Variants in SAMMSON observed in about 807,000 individuals in gnomAD.
SAMMSON encodes the protein survival associated mitochondrial melanoma specific oncogenic non-coding RNA.
At chr3:70,306,273 C>A (rs182722997) in intron 7 of SAMMSON, among the ~76,000 whole-genome samples, 19 of 151,962 alleles carry the variant, frequency 1.3e-4, no homozygotes, top group Non-Finnish European at 4.4e-5. Flanking sequence ...GTGGCTAGCC[C>A]GGCTAATTTC....
At chr3:70,139,642 T>A (rs2067519512) in intron 4 of SAMMSON, among the ~76,000 whole-genome samples, 2 of 151,824 alleles carry the variant, frequency 1.3e-5, no homozygotes. Flanking sequence ...GGTTATGGAG[T>A]TTGGGGTAAG....
chr3:70,045,128 AATATATTATAATTTAT>A (rs1395136382), intron 3 of SAMMSON, among the ~76,000 whole-genome samples: 3 of 83,654 alleles, frequency 3.6e-5, no homozygotes, highest in African/African-American at 1.0e-4. Context: ...TATTAATTAT[AATATATTATAATTTAT>A]ATATATTAAT....
chr3:70,230,045 G>A (rs2106743655), intron 4 of SAMMSON, among the ~76,000 whole-genome samples: 1 of 152,204 alleles, frequency 6.6e-6, no homozygotes, highest in South Asian at 2.1e-4. Context: ...TGTCTTAGAT[G>A]CTGTTGCTGC....
At chr3:70,264,176 AATAT>A (rs1265165326) in intron 6 of SAMMSON, among the ~76,000 whole-genome samples, 4 of 152,254 alleles carry the variant, frequency 2.6e-5, no homozygotes, top group African/African-American at 9.6e-5. Context: ...TTCATTTTAA[AATAT>A]ATACAGATGG....
At chr3:70,262,111 A>G (rs1357930361) in intron 6 of SAMMSON, among the ~76,000 whole-genome samples, 1 of 152,170 alleles carries the variant, frequency 6.6e-6, no homozygotes, top group Non-Finnish European at 1.5e-5. Flanking sequence ...GTGCGACAGT[A>G]TTGCCTTCTA....
chr3:70,087,752 T>C (rs2067290941), intron 4 of SAMMSON, among the ~76,000 whole-genome samples: 1 of 152,194 alleles, frequency 6.6e-6, no homozygotes, highest in Non-Finnish European at 1.5e-5. Flanking sequence ...AAGAGAATCA[T>C]GGGCACTTCA....
intron 7 of SAMMSON, among the ~76,000 whole-genome samples, chr3:70,339,721 T>C (rs1397300221): frequency 1.3e-5 from 2 of 152,078 alleles, no homozygotes; most frequent in Non-Finnish European, 2.9e-5. Context: ...CTCACACCAG[T>C]TAGAATGGCG....
At chr3:70,238,822 T>C (rs1701637718) in intron 4 of SAMMSON, among the ~76,000 whole-genome samples, 1 of 152,140 alleles carries the variant, frequency 6.6e-6, no homozygotes, top group African/African-American at 2.4e-5. Flanking sequence ...TAGGTTTCTA[T>C]GACCTGTAAT....
intron 3 of SAMMSON, among the ~76,000 whole-genome samples, chr3:70,053,129 G>A (rs140847040): frequency 2.5e-4 from 38 of 152,172 alleles, no homozygotes; most frequent in Non-Finnish European, 4.9e-4. Context: ...TCATCCTTTT[G>A]GAGCATTCAT....
rs1559776270 is a variant in SAMMSON, at chr3:70,028,180, TTCCTTC to T, written n.417+14509_417+14514del. Reference sequence around the variant, plus strand: ...CTTCCTTCCTTCCTTCCTTCCTTCCTTCCTTCCTTTCTTTCTTTCTTTCTCTCTTTC... The same window carrying T: ...CTTCCTTCCTTCCTTCCTTCCTTCCTCTTTCTTTCTTTCTTTCTCTCTTTC... On this transcript the variant is annotated intron_variant and non_coding_transcript_variant, in intron 3 of 9. Coordinates refer to ENST00000642114, the Ensembl canonical transcript of SAMMSON. Among the ~76,000 whole-genome samples, 1,290 of 138,772 alleles carry T rather than the reference TTCCTTC, an allele frequency of 9.3e-3. 4 individuals are homozygous for T. Among genetic ancestry groups the T allele is most frequent in the South Asian group, 0.018 (73 of 3,990 alleles). The allele number at this position is 138,772 out of a possible 152,430, so 91.0% of individuals were successfully genotyped here. A position where few individuals can be genotyped will look rare whatever the true frequency, so the allele number is the denominator to read the frequency against.
At chr3:70,372,533 C>T (rs1395920146) in intron 9 of SAMMSON, among the ~76,000 whole-genome samples, 2 of 152,084 alleles carry the variant, frequency 1.3e-5, no homozygotes, top group Non-Finnish European at 2.9e-5. Context: ...CTCCTGACCG[C>T]AGATGATCCA....
chr3:70,104,859 C>A (rs2106656709), intron 4 of SAMMSON, among the ~76,000 whole-genome samples: 1 of 152,228 alleles, frequency 6.6e-6, no homozygotes, highest in Non-Finnish European at 1.5e-5. Context: ...AGTAATCTGG[C>A]AAATTTTAGG....
intron 6 of SAMMSON, among the ~76,000 whole-genome samples, chr3:70,277,367 C>T (rs1016112563): frequency 6.6e-6 from 1 of 151,992 alleles, no homozygotes; most frequent in Non-Finnish European, 1.5e-5. Context: ...ACTTTTTTCC[C>T]CCAGCACTGG....
intron 4 of SAMMSON, among the ~76,000 whole-genome samples, chr3:70,095,590 AC>A (rs1576120454): frequency 6.6e-6 from 1 of 152,314 alleles, no homozygotes; most frequent in East Asian, 1.9e-4. Context: ...TAGGCTCAAC[AC>A]CCAGCTCTGC....
chr3:70,423,591 G>C (rs1484225089), intron 2 of SAMMSON, among the ~76,000 whole-genome samples: 1 of 145,636 alleles, frequency 6.9e-6, no homozygotes, highest in East Asian at 2.1e-4. Context: ...AAAACAGTCA[G>C]GCAATCAGTG....
At chr3:70,365,657 A>G (rs1379648902) in intron 9 of SAMMSON, among the ~76,000 whole-genome samples, 1 of 151,798 alleles carries the variant, frequency 6.6e-6, no homozygotes, top group Non-Finnish European at 1.5e-5. Flanking sequence ...TTTATCAACT[A>G]GAGTTCTGCA....
At chr3:70,217,610 G>A (rs1456756982) in intron 4 of SAMMSON, among the ~76,000 whole-genome samples, 3 of 152,072 alleles carry the variant, frequency 2.0e-5, no homozygotes, top group Non-Finnish European at 4.4e-5. Context: ...GTTTTTCACT[G>A]TAAGAGGTAG....
intron 3 of SAMMSON, among the ~76,000 whole-genome samples, chr3:70,025,514 A>T (rs1312698731): frequency 1.3e-5 from 2 of 152,202 alleles, no homozygotes; most frequent in Admixed American, 6.5e-5. Flanking sequence ...AAGTGCTGGG[A>T]TTACAGGCAT....
chr3:70,352,297 A>G (rs1013547862), intron 7 of SAMMSON, among the ~76,000 whole-genome samples: 1 of 152,104 alleles, frequency 6.6e-6, no homozygotes, highest in Non-Finnish European at 1.5e-5. Context: ...GTGGCAGGTA[A>G]TAATTAAAAG....
Sources: gnomAD v4.1 joint callset for allele counts (sites outside exome capture counted in the v4.1 genomes callset) on GRCh38, gnomAD v4.1.1 for gene constraint, MANE v1.5 for transcripts, NCBI Gene and HGNC (gene_info 2026-07-23, HGNC 2026-07-21) for gene names.